Variants in PALM2AKAP2 observed in about 807,000 individuals in gnomAD.
PALM2AKAP2 encodes the protein PALM2 and AKAP2 fusion, also known as PALM2-AKAP2 fusion protein.
A neutral mutation model predicts 71.5 loss-of-function variants in PALM2AKAP2; 37 were observed. The observed-to-expected ratio is 0.52, with a 90% CI of 0.40 to 0.68. The LOEUF (loss-of-function observed/expected upper bound fraction) is 0.68. Among genes scored for constraint, PALM2AKAP2 ranks in the 30% least tolerant of loss-of-function variants. PALM2AKAP2 has a pLI of 0.00. For missense variants in PALM2AKAP2, 1,224 were observed against 1,191.8 expected (o/e 1.03, Z -0.40); for synonymous variants, 468 against 478.8 (o/e 0.98, Z 0.29).
intron 6 of PALM2AKAP2, among the ~76,000 whole-genome samples, chr9:109,941,368 C>G (rs1375473972): frequency 6.6e-6 from 1 of 152,082 alleles, no homozygotes; most frequent in African/African-American, 2.4e-5. Flanking sequence ...GCCTTGGTGA[C>G]AGAAATGGTG....
At chr9:109,758,627 TCA>T (rs1191918579) in intron 1 of PALM2AKAP2, among the ~76,000 whole-genome samples, 2 of 151,704 alleles carry the variant, frequency 1.3e-5, no homozygotes, top group Admixed American at 1.3e-4. Flanking sequence ...GGAAATTTTC[TCA>T]CAGTCCTATC....
chr9:109,822,345 T>C (rs1828033139), intron 1 of PALM2AKAP2, among the ~76,000 whole-genome samples: 1 of 152,152 alleles, frequency 6.6e-6, no homozygotes. Flanking sequence ...CCTTCCCAGC[T>C]CCTGCCTCTG....
intron 3 of PALM2AKAP2, among the ~76,000 whole-genome samples, chr9:109,895,021 C>G (rs1244654235): frequency 6.6e-6 from 1 of 152,224 alleles, no homozygotes; most frequent in Non-Finnish European, 1.5e-5. Flanking sequence ...CACACCACTT[C>G]CCATCATAGA....
chr9:109,679,099 A>G (rs1827689687), intron 1 of PALM2AKAP2, among the ~76,000 whole-genome samples: 1 of 152,204 alleles, frequency 6.6e-6, no homozygotes, highest in Admixed American at 6.5e-5. Context: ...CTGAAACTAC[A>G]TTAGCTTTCT....
At chr9:110,063,248 T>C (rs1012411411) in intron 1 of PALM2AKAP2, among the ~76,000 whole-genome samples, 1 of 152,176 alleles carries the variant, frequency 6.6e-6, no homozygotes, top group African/African-American at 2.4e-5. Context: ...TCTAAAATGA[T>C]TGAGATTTGT....
intron 1 of PALM2AKAP2, among the ~76,000 whole-genome samples, chr9:109,845,966 A>T (rs1432235788): frequency 6.6e-6 from 1 of 152,224 alleles, no homozygotes; most frequent in Non-Finnish European, 1.5e-5. Flanking sequence ...ATGGATAAAA[A>T]CCAGCAAGAT....
intron 1 of PALM2AKAP2, among the ~76,000 whole-genome samples, chr9:109,698,774 A>C (rs941042212): frequency 6.6e-6 from 1 of 152,182 alleles, no homozygotes; most frequent in Non-Finnish European, 1.5e-5. Context: ...TTCATTCAAT[A>C]AGCATTTAAT....
chr9:109,903,624 A>G (rs1055212586), intron 3 of PALM2AKAP2, among the ~76,000 whole-genome samples: 3 of 152,094 alleles, frequency 2.0e-5, no homozygotes, highest in African/African-American at 7.2e-5. Context: ...TTCTCCTCCT[A>G]AGTACACAAT....
chr9:109,819,668 C>CACCCAGGGGTTTGA (rs1478498915), intron 1 of PALM2AKAP2, among the ~76,000 whole-genome samples: 1 of 151,680 alleles, frequency 6.6e-6, no homozygotes, highest in Non-Finnish European at 1.5e-5. Flanking sequence ...TGAACACACA[C>CACCCAGGGGTTTGA]ACACGTAAAT....
chr9:109,897,242 GA>G (rs1400742110), intron 3 of PALM2AKAP2, among the ~76,000 whole-genome samples: 2 of 152,158 alleles, frequency 1.3e-5, no homozygotes, highest in Non-Finnish European at 2.9e-5. Flanking sequence ...ATACTTTGGG[GA>G]TTAGTGTGAG....
At chr9:110,136,217 C>T (rs755576642) in exon 2 of PALM2AKAP2, 4 of 1,614,222 alleles carry the variant, frequency 2.5e-6, no homozygotes, top group South Asian at 1.1e-5. Flanking sequence ...TGCCAGCTCT[C>T]TTTCCCCAGA....
At chr9:110,040,433 A>G (rs1833491072) in intron 7 of PALM2AKAP2, among the ~76,000 whole-genome samples, 1 of 152,208 alleles carries the variant, frequency 6.6e-6, no homozygotes, top group Non-Finnish European at 1.5e-5. Flanking sequence ...GAAAAAGCCC[A>G]TTTCTCAGTG....
chr9:109,699,622 C>T (rs1828022823), intron 1 of PALM2AKAP2, among the ~76,000 whole-genome samples: 1 of 152,014 alleles, frequency 6.6e-6, no homozygotes, highest in Admixed American at 6.6e-5. Flanking sequence ...GAAAGCATGA[C>T]AACACAGTAA....
At chr9:109,790,081 G>A (rs779855921) in intron 1 of PALM2AKAP2, among the ~76,000 whole-genome samples, 11 of 152,100 alleles carry the variant, frequency 7.2e-5, no homozygotes, top group Non-Finnish European at 1.0e-4. Flanking sequence ...GCATAAGATC[G>A]AAGGGGAAAG....
At chr9:109,799,155 A>T (rs1325555199) in intron 1 of PALM2AKAP2, among the ~76,000 whole-genome samples, 1 of 152,248 alleles carries the variant, frequency 6.6e-6, no homozygotes, top group African/African-American at 2.4e-5. Context: ...AAGGAGGAGC[A>T]TGGGCAAAGT....
At chr9:109,999,264 T>G (rs114757650) in intron 6 of PALM2AKAP2, among the ~76,000 whole-genome samples, 2,818 of 151,798 alleles carry the variant, frequency 0.019, 99 homozygotes, top group African/African-American at 0.065. Flanking sequence ...ACTTCAACCT[T>G]GGAGGTGGAG....
intron 6 of PALM2AKAP2, among the ~76,000 whole-genome samples, chr9:110,001,967 C>G (rs1395405492): frequency 6.6e-6 from 1 of 152,182 alleles, no homozygotes; most frequent in African/African-American, 2.4e-5. Flanking sequence ...CAAACAGGGA[C>G]AATTTGACTT....
chr9:109,652,270 A>C (rs1261287796), intron 1 of PALM2AKAP2, among the ~76,000 whole-genome samples: 6 of 152,216 alleles, frequency 3.9e-5, no homozygotes, highest in Non-Finnish European at 7.4e-5. Flanking sequence ...GGGCCTAGTG[A>C]GAAGTGTTTG....
intron 6 of PALM2AKAP2, among the ~76,000 whole-genome samples, chr9:109,954,189 C>T (rs1376298553): frequency 1.3e-5 from 2 of 152,096 alleles, no homozygotes; most frequent in Admixed American, 6.5e-5. Flanking sequence ...AGGAGTGGCA[C>T]GTCAGTCTCT....
Sources: gnomAD v4.1 joint callset for allele counts (sites outside exome capture counted in the v4.1 genomes callset) on GRCh38, gnomAD v4.1.1 for gene constraint, MANE v1.5 for transcripts, NCBI Gene and HGNC (gene_info 2026-07-23, HGNC 2026-07-21) for gene names.